Variants in IGF1 observed in about 807,000 individuals in gnomAD.
The protein encoded by IGF1 is insulin like growth factor 1.
In IGF1, 4 loss-of-function variants were observed where a neutral mutation model predicts 13.8. The observed-to-expected ratio is 0.29, with a 90% CI of 0.14 to 0.66. The LOEUF is 0.66. Among genes scored for constraint, IGF1 ranks in the 30% least tolerant of loss-of-function variants. IGF1 has a pLI of 0.78. For synonymous variants in IGF1, 76 were observed against 72.6 expected, an observed-to-expected ratio of 1.05 and a Z score of -0.23; for missense variants, 124 against 188.5, an observed-to-expected ratio of 0.66 and a Z score of 2.00.
chr12:102,419,527 G>A lies in IGF1; in HGVS notation c.384C>T (p.Asp128=), dbSNP rs761202967. 7 of 1,613,466 alleles carry A rather than the reference G, an allele frequency of 4.3e-6. No homozygotes were observed. Among genetic ancestry groups the A allele is most frequent in the African/African-American group, 1.3e-5 (1 of 75,024 alleles). Reference sequence around the variant, plus strand: ...GGCTTACCTTCTGGGTCTTGGGCATGTCGGTGTGGCGCTGGGCACGGACAG... The same window carrying A: ...GGCTTACCTTCTGGGTCTTGGGCATATCGGTGTGGCGCTGGGCACGGACAG... ...ARSVRAQRHT[D]MPKTQKEVHL... Residue 128 remains aspartate (D), a synonymous_variant, in exon 3 of 4, where the codon GAC becomes GAT. Coordinates refer to ENST00000337514, the MANE Select transcript of IGF1 (RefSeq NM_000618.5).
intron 2 of IGF1, among the ~76,000 whole-genome samples, chr12:102,466,979 G>A (rs1459353733): frequency 6.6e-6 from 1 of 152,148 alleles, no homozygotes; most frequent in East Asian, 1.9e-4. Context: ...GGTTCAGCAA[G>A]GAGGGAGAAG....
At chr12:102,428,440 A>C (rs974697428) in intron 2 of IGF1, among the ~76,000 whole-genome samples, 7 of 151,830 alleles carry the variant, frequency 4.6e-5, no homozygotes, top group Non-Finnish European at 8.8e-5. Flanking sequence ...GTTGGGCTTG[A>C]TTAGGGGAAG....
intron 2 of IGF1, among the ~76,000 whole-genome samples, chr12:102,471,609 A>G (rs1413608102): frequency 6.6e-6 from 1 of 152,240 alleles, no homozygotes. Flanking sequence ...CTTAATAACT[A>G]TACATTGGAA....
intron 2 of IGF1, among the ~76,000 whole-genome samples, chr12:102,448,508 G>T (rs572876074): frequency 2.2e-4 from 28 of 129,952 alleles, no homozygotes; most frequent in Admixed American, 4.3e-4. Flanking sequence ...ATGGACACAG[G>T]AAGGGGAATA....
At chr12:102,427,882 TA>T (rs1565975928) in intron 2 of IGF1, among the ~76,000 whole-genome samples, 1 of 152,056 alleles carries the variant, frequency 6.6e-6, no homozygotes, top group Non-Finnish European at 1.5e-5. Context: ...ATGATATAAA[TA>T]ACTGCATGGT....
chr12:102,446,570 C>A (rs879096790), intron 2 of IGF1, among the ~76,000 whole-genome samples: 2 of 151,670 alleles, frequency 1.3e-5, no homozygotes, highest in Non-Finnish European at 2.9e-5. Flanking sequence ...GGTGGTGATA[C>A]CCCCTTTATC....
At chr12:102,441,621 C>T (rs1055080192) in intron 2 of IGF1, among the ~76,000 whole-genome samples, 14 of 152,146 alleles carry the variant, frequency 9.2e-5, no homozygotes, top group African/African-American at 3.4e-4. Context: ...ATGGGCTTCC[C>T]ATGGAATGTG....
At chr12:102,463,826 G>A (rs1880106117) in intron 2 of IGF1, among the ~76,000 whole-genome samples, 2 of 152,236 alleles carry the variant, frequency 1.3e-5, no homozygotes, top group Admixed American at 6.5e-5. Context: ...TGACTGAAAT[G>A]TAGCCTTGGC....
Position 102,400,176 on chromosome 12 carries a change from G to A in IGF1, c.*2331C>T, listed in dbSNP as rs1219594042. On this transcript the variant is annotated 3_prime_UTR_variant, in exon 4 of 4. Coordinates refer to ENST00000337514, the MANE Select transcript of IGF1 (RefSeq NM_000618.5). ...CCTCTGATCCTTGAGGTGACCCAGTGGGAGAAAAACTGAAGATGTTATTTT... is the reference window on the plus strand; with the variant it reads ...CCTCTGATCCTTGAGGTGACCCAGTAGGAGAAAAACTGAAGATGTTATTTT... 1 of 150,450 alleles carries A rather than the reference G, an allele frequency of 6.6e-6. No individual in the cohort carries two copies. Among genetic ancestry groups the A allele is most frequent in the Non-Finnish European group, 1.5e-5 (1 of 67,772 alleles). 9.3% of individuals were successfully genotyped at this position (150,450 alleles called of 1,614,324 possible). A position where few individuals can be genotyped will look rare whatever the true frequency, so the allele number is the denominator to read the frequency against.
intron 2 of IGF1, among the ~76,000 whole-genome samples, chr12:102,451,975 T>C (rs1416816275): frequency 6.6e-6 from 1 of 152,096 alleles, no homozygotes; most frequent in Non-Finnish European, 1.5e-5. Context: ...AAGATATGTC[T>C]ACTTCGGCCG....
At chr12:102,465,549 T>C in intron 2 of IGF1, among the ~76,000 whole-genome samples, 1 of 152,110 alleles carries the variant, frequency 6.6e-6, no homozygotes, top group East Asian at 1.9e-4. Context: ...AGGAGAAAAA[T>C]TTGGTCATTA....
intron 2 of IGF1, among the ~76,000 whole-genome samples, chr12:102,441,956 T>TTCTTCTTCTTCTTCTTCTTCTTCTTCTTC (rs1491200329): frequency 1.4e-5 from 2 of 140,486 alleles, no homozygotes; most frequent in Admixed American, 7.4e-5. Flanking sequence ...CTTCTTCTTC[T>TTCTTCTTCTTCTTCTTCTTCTTCTTCTTC]TTTTTTTTTT....
chr12:102,441,958 T>TCTCCTTCTCCTTCTCCTTCTCCTTC (rs1555244184), intron 2 of IGF1, among the ~76,000 whole-genome samples: 1 of 41,190 alleles, frequency 2.4e-5, no homozygotes, highest in Admixed American at 4.0e-4. Flanking sequence ...TCTTCTTCTT[T>TCTCCTTCTCCTTCTCCTTCTCCTTC]TTTTTTTTTG....
intron 2 of IGF1, among the ~76,000 whole-genome samples, chr12:102,431,443 C>T (rs1022736980): frequency 3.3e-5 from 5 of 152,146 alleles, no homozygotes; most frequent in Non-Finnish European, 5.9e-5. Context: ...TGAGTGCTTC[C>T]TACTAAGCTA....
At position 102,396,788 on chromosome 12, in the gene IGF1, C is replaced by G; in HGVS notation, c.*5719G>C. 2.6e-6 allele frequency: 1 copy of G among 377,736 alleles called. No homozygotes were observed. Among genetic ancestry groups the G allele is most frequent in the Non-Finnish European group, 4.6e-6 (1 of 215,294 alleles). 23.4% of individuals were successfully genotyped at this position (377,736 alleles called of 1,614,324 possible). On this transcript the variant is annotated 3_prime_UTR_variant, in exon 4 of 4. Coordinates refer to ENST00000337514, the MANE Select transcript of IGF1 (RefSeq NM_000618.5). ...AGTAACATTTGGTTTTGTGTCCTCT[C>G]TTTTTTTTTTTTTACTTTAAAAAAG...
chr12:102,420,256 G>A (rs142121997), intron 2 of IGF1, among the ~76,000 whole-genome samples: 184 of 152,292 alleles, frequency 1.2e-3, no homozygotes, highest in Non-Finnish European at 1.9e-3. Context: ...AAGTCGTGGA[G>A]TCAAGATGCA....
chr12:102,425,847 T>C (rs1187169181), intron 2 of IGF1, among the ~76,000 whole-genome samples: 2 of 152,198 alleles, frequency 1.3e-5, no homozygotes, highest in Non-Finnish European at 2.9e-5. Flanking sequence ...CACAATTTAC[T>C]AGCTTAGGTC....
Position 102,441,909 on chromosome 12 carries a change from T to TGCTG in IGF1, c.221-22220_221-22219insCAGC, listed in dbSNP as rs1444900609. On this transcript the variant is annotated intron_variant, in intron 2 of 3. Transcript: ENST00000337514. ...CACTAAGTCATTCTATTACACTGCT[T>TGCTG]CTTCTCCTTCTTCTTCTTCTTCTTC... 4.9e-3 allele frequency among the ~76,000 whole-genome samples: 96 copies of TGCTG among 19,740 alleles called. 3 individuals carry two copies. Among genetic ancestry groups the TGCTG allele is most frequent in the Admixed American group, 9.5e-3 (16 of 1,692 alleles). The allele number at this position is 19,740 out of a possible 152,430, so 13.0% of individuals were successfully genotyped here.
chr12:102,445,793 G>A (rs1482798544), intron 2 of IGF1, among the ~76,000 whole-genome samples: 2 of 152,168 alleles, frequency 1.3e-5, no homozygotes, highest in East Asian at 3.9e-4. Flanking sequence ...GGGAGAGGGG[G>A]CATTCTTGTC....
Sources: allele counts gnomAD v4.1 joint callset (sites outside exome capture counted in the v4.1 genomes callset), GRCh38; gene constraint gnomAD v4.1.1; transcripts MANE v1.5; gene names NCBI Gene and HGNC (gene_info 2026-07-23, HGNC 2026-07-21).